MAX: variants seen among roughly 807,000 people sequenced by gnomAD.
The protein encoded by MAX is MYC associated transcriptional regulator X.
Under a neutral mutation model 22.3 loss-of-function variants are expected in MAX, and 3 were observed. The observed-to-expected ratio is 0.13, with a 90% confidence interval of 0.06 to 0.35. MAX has a LOEUF of 0.35. Ranked by LOEUF, MAX falls within the 10% of genes least tolerant of loss-of-function variation. The pLI is 1.00. For synonymous variants in MAX, 72 were observed against 77.7 expected, an observed-to-expected ratio of 0.93 and a Z score of 0.39; for missense variants, 119 against 209.4, an observed-to-expected ratio of 0.57 and a Z score of 2.66.
intron 3 of MAX, among the ~76,000 whole-genome samples, chr14:65,087,800 G>C (rs1037341555): frequency 2.0e-5 from 3 of 152,168 alleles, no homozygotes; most frequent in Non-Finnish European, 2.9e-5. Context: ...GTGAGGACAT[G>C]AGATTTGGGA....
chr14:65,032,487 A>C lies in MAX; in HGVS notation c.172-26203T>G. The C allele has an allele frequency of 1.0e-6, 1 of 989,698 alleles. No homozygotes were observed. Among genetic ancestry groups the C allele is most frequent in the South Asian group, 1.8e-5 (1 of 56,636 alleles). The allele number at this position is 989,698 out of a possible 1,614,324, so 61.3% of individuals were successfully genotyped here. On this transcript the variant is annotated intron_variant, in intron 3 of 3. Transcript: ENST00000341653. This position sits in a 1 kb window ranked among gnomAD's most constrained non-coding sequence, Gnocchi z 5.0. ...GACCCAGGAGGACTGACCGTGTGCC[A>C]AGAGTGAGGACAGGAGGTGATTACA...
chr14:65,046,510 G>C (rs894323094), intron 3 of MAX, among the ~76,000 whole-genome samples: 1 of 152,192 alleles, frequency 6.6e-6, no homozygotes, highest in African/African-American at 2.4e-5. Context: ...ACATGTTCTA[G>C]GGGGCTTAGT....
chr14:65,031,416 C>T lies in MAX; in HGVS notation c.172-25132G>A, dbSNP rs1304892613. ...CACTGCAACCCCCGCCTCCCGGGTT[C>T]AAGTGGTTCTCCTGCCTCAGCCTCC... is the stretch of plus-strand genomic sequence containing the variant. On this transcript the variant is annotated intron_variant, in intron 3 of 3. Transcript: ENST00000341653. The surrounding 1 kb of genome is among the most constrained non-coding windows in gnomAD (Gnocchi z 4.6). Among the ~76,000 whole-genome samples, 1 of 151,804 alleles carries T rather than the reference C, an allele frequency of 6.6e-6. No individual in the cohort carries two copies. Among genetic ancestry groups the T allele is most frequent in the African/African-American group, 2.4e-5 (1 of 41,358 alleles).
In MAX at chr14:65,093,901, G is replaced by C. The variant is rs1244048189; in HGVS notation, c.64-86C>G. Reference sequence around the variant, plus strand: ...GGTGGGGTACAGCCTGGAAGTACACGCTGTCAGCACTGTCCCTGGCGAGTG... The same window carrying C: ...GGTGGGGTACAGCCTGGAAGTACACCCTGTCAGCACTGTCCCTGGCGAGTG... On this transcript the variant is annotated intron_variant, in intron 2 of 4. Transcript: ENST00000358664. This position sits in a 1 kb window ranked among gnomAD's most constrained non-coding sequence, Gnocchi z 4.4. 1.2e-6 allele frequency: 1 copy of C among 824,260 alleles called. No homozygotes were observed. The highest frequency in any genetic ancestry group is 2.2e-6 in the Non-Finnish European group (1 of 462,578). The allele number at this position is 824,260 out of a possible 1,614,324, so 51.1% of individuals were successfully genotyped here.
At position 65,027,874 on chromosome 14, in the gene MAX, C is replaced by A; in HGVS notation, c.172-21590G>T. The A allele has an allele frequency of 6.5e-7, 1 of 1,531,008 alleles. No homozygotes were observed. Among genetic ancestry groups the A allele is most frequent in the Non-Finnish European group, 8.9e-7 (1 of 1,119,762 alleles). The allele number at this position is 1,531,008 out of a possible 1,614,324, so 94.8% of individuals were successfully genotyped here. The stretch of plus-strand genomic sequence containing the variant: ...AAGCCTAAGGAACATCATGGGGAAG[C>A]TGCTGCTTTGTCCCAGAATGACACA... On this transcript the variant is annotated intron_variant, in intron 3 of 3. Transcript: ENST00000341653. The surrounding 1 kb of genome is among the most constrained non-coding windows in gnomAD (Gnocchi z 5.7).
intron 3 of MAX, among the ~76,000 whole-genome samples, chr14:65,045,808 C>T (rs1037249717): frequency 6.6e-6 from 1 of 152,150 alleles, no homozygotes; most frequent in African/African-American, 2.4e-5. Context: ...GCCTCTGTCC[C>T]ATTTTCCCGG....
chr14:65,015,659 G>A, intron 3 of MAX: 6 of 1,614,070 alleles, frequency 3.7e-6, no homozygotes, highest in Non-Finnish European at 5.1e-6. Flanking sequence ...CTCTGCTATT[G>A]GATCCTGCAC....
At chr14:65,052,253 G>C (rs1228352951) in intron 3 of MAX, among the ~76,000 whole-genome samples, 1 of 152,146 alleles carries the variant, frequency 6.6e-6, no homozygotes, top group Non-Finnish European at 1.5e-5. Flanking sequence ...TATGCCTATA[G>C]TGGTATAAGT....
rs564279702 is a variant in MAX at position 65,093,552 on chromosome 14, T to C, written c.171+156A>G. ...TAAGGATAAACTGGAGTACGTAAGG[T>C]GTGCAGTGATCCTCCAAACAGTCAA... On this transcript the variant is annotated intron_variant, in intron 3 of 4. Coordinates refer to ENST00000358664, the MANE Select transcript of MAX (RefSeq NM_002382.5). The surrounding 1 kb of genome is among the most constrained non-coding windows in gnomAD (Gnocchi z 4.4). 1.5e-6 allele frequency: 1 copy of C among 683,480 alleles called. No homozygotes were observed. The highest frequency in any genetic ancestry group is 2.7e-5 in the East Asian group (1 of 36,864). The allele number at this position is 683,480 out of a possible 1,614,324, so 42.3% of individuals were successfully genotyped here. A position where few individuals can be genotyped will look rare whatever the true frequency, so the allele number is the denominator to read the frequency against.
chr14:65,091,214 T>TA (rs1390390064), intron 3 of MAX, among the ~76,000 whole-genome samples: 1 of 151,662 alleles, frequency 6.6e-6, no homozygotes, highest in Non-Finnish European at 1.5e-5. Flanking sequence ...ATACCACACT[T>TA]AAAAAAACGC....
intron 3 of MAX, among the ~76,000 whole-genome samples, chr14:65,048,655 C>T (rs2062540372): frequency 6.6e-6 from 1 of 152,134 alleles, no homozygotes; most frequent in South Asian, 2.1e-4. Context: ...GAGTTCAAGA[C>T]CAGCCTGGGC....
chr14:65,013,010 G>C (rs954676563), intron 3 of MAX, among the ~76,000 whole-genome samples: 6 of 152,154 alleles, frequency 3.9e-5, no homozygotes, highest in African/African-American at 1.4e-4. Context: ...ACGGTGGAGG[G>C]GACAGATGTT....
At chr14:65,033,535 T>C (rs532269033) in intron 3 of MAX, among the ~76,000 whole-genome samples, 2 of 152,308 alleles carry the variant, frequency 1.3e-5, no homozygotes, top group African/African-American at 4.8e-5. Flanking sequence ...TTTGCTGTAC[T>C]TTCCTGGATG....
intron 3 of MAX, chr14:65,061,054 T>A: frequency 6.8e-7 from 1 of 1,469,980 alleles, no homozygotes; most frequent in South Asian, 1.3e-5. Context: ...TTTGAACCTT[T>A]GGGCTTTGTG....
Position 65,102,497 on chromosome 14 carries a change from G to A in MAX, c.-158C>T. 1 of 1,487,552 alleles carries A rather than the reference G, an allele frequency of 6.7e-7. No individual in the cohort carries two copies. Among genetic ancestry groups the A allele is most frequent in the Non-Finnish European group, 8.9e-7 (1 of 1,119,224 alleles). 92.1% of individuals were successfully genotyped at this position (1,487,552 alleles called of 1,614,324 possible). On this transcript the variant is annotated 5_prime_UTR_variant, in exon 1 of 5. Coordinates refer to ENST00000358664, the MANE Select transcript of MAX (RefSeq NM_002382.5). ...CTCACTCACACACACACACAACACG[G>A]GCAAGAACCACCTCCTCACTGCAGC...
At position 65,075,231 on chromosome 14, in the gene MAX, G is replaced by A. The variant is rs1595124559; in HGVS notation, c.*1245C>T. 7.6e-6 allele frequency: 8 copies of A among 1,055,400 alleles called. No individual in the cohort carries two copies. The East Asian group carries it at 3.2e-4, about 42-fold the overall frequency. The allele number at this position is 1,055,400 out of a possible 1,614,324, so 65.4% of individuals were successfully genotyped here. ...GTACAACATACTTTTTATTTCCATG[G>A]AATGGAATCAAACACGAACTGAGAC... On this transcript the variant is annotated 3_prime_UTR_variant, in exon 5 of 5. Coordinates refer to ENST00000358664, the MANE Select transcript of MAX (RefSeq NM_002382.5). This position sits in a 1 kb window ranked among gnomAD's most constrained non-coding sequence, Gnocchi z 4.1.
intron 3 of MAX, among the ~76,000 whole-genome samples, chr14:65,053,977 C>T (rs941564238): frequency 6.6e-6 from 1 of 152,062 alleles, no homozygotes; most frequent in African/African-American, 2.4e-5. Flanking sequence ...CCTGGAGAGC[C>T]CTTTCCAGAA....
At position 65,027,855 on chromosome 14, in the gene MAX, A is replaced by G. The variant is rs1334601829; in HGVS notation, c.172-21571T>C. On this transcript the variant is annotated intron_variant, in intron 3 of 3. Coordinates refer to the MAX transcript ENST00000341653. This position sits in a 1 kb window ranked among gnomAD's most constrained non-coding sequence, Gnocchi z 5.7. Reference sequence around the variant, plus strand: ...ATCTGCCATTAGAGATGCCAAGCCTAAGGAACATCATGGGGAAGCTGCTGC... The same window carrying G: ...ATCTGCCATTAGAGATGCCAAGCCTGAGGAACATCATGGGGAAGCTGCTGC... 2 of 1,589,206 alleles carry G rather than the reference A, an allele frequency of 1.3e-6. No individual in the cohort carries two copies. Among genetic ancestry groups the G allele is most frequent in the African/African-American group, 1.3e-5 (1 of 74,492 alleles).
In MAX at chr14:65,016,006, C is replaced by G. The variant is rs138895399; in HGVS notation, c.172-9722G>C. 3.6e-3 allele frequency among the ~76,000 whole-genome samples: 544 copies of G among 152,294 alleles called. 3 individuals are homozygous for G. The highest frequency in any genetic ancestry group is 0.012 in the African/African-American group (515 of 41,556). On this transcript the variant is annotated intron_variant, in intron 3 of 3. Transcript: ENST00000341653. ...GGTCTTTGAGAAAAGTCTTAATCAT[C>G]AACTCTGAGAGACAAGATTTTGCCA...
Sources: gnomAD v4.1 joint callset for allele counts (sites outside exome capture counted in the v4.1 genomes callset) on GRCh38, gnomAD v4.1.1 for gene constraint, Gnocchi (gnomAD v3.1) non-coding constraint, MANE v1.5 for transcripts, NCBI Gene and HGNC (gene_info 2026-07-23, HGNC 2026-07-21) for gene names.